The following DNM1 variants were observed in gnomAD, a reference collection of about 807,000 sequenced individuals.
DNM1 encodes the protein dynamin 1, also known as dynamin-1.
DNM1 carries 29 observed loss-of-function variants against 104.6 expected under a neutral mutation model. That is an observed-to-expected ratio of 0.28 (90% CI 0.21 to 0.38). The LOEUF is 0.38. Ranked by LOEUF, DNM1 falls within the 10% of genes least tolerant of loss-of-function variation. The pLI is 1.00. For missense variants in DNM1, 640 were observed against 1,189.4 expected, an observed-to-expected ratio of 0.54 and a Z score of 6.79; for synonymous variants, 445 against 475.8, an observed-to-expected ratio of 0.94 and a Z score of 0.84.
chr9:128,213,042 T>C (rs900791260), intron 1 of DNM1, among the ~76,000 whole-genome samples: 1 of 152,138 alleles, frequency 6.6e-6, no homozygotes, highest in Non-Finnish European at 1.5e-5. Flanking sequence ...GGGATGACGA[T>C]TGGTTTTTAT....
Position 128,222,390 on chromosome 9 carries a change from C to T in DNM1, c.992+51C>T, listed in dbSNP as rs761134851. 20 of 1,608,958 alleles carry T rather than the reference C, an allele frequency of 1.2e-5. No individual in the cohort carries two copies. In the Admixed American group the frequency reaches 1.3e-4, roughly 11 times the overall value. Reference sequence around the variant, plus strand: ...TGAATCCCCGCCCCCAGCCTCTCAGCGTGGGGCTCTCCCAGGGTTCCCTTT... The same window carrying T: ...TGAATCCCCGCCCCCAGCCTCTCAGTGTGGGGCTCTCCCAGGGTTCCCTTT... On this transcript the variant is annotated intron_variant, in intron 7 of 21. Coordinates refer to ENST00000372923, the MANE Select transcript of DNM1 (RefSeq NM_004408.4). This position sits in a 1 kb window ranked among gnomAD's most constrained non-coding sequence, Gnocchi z 7.8.
intron 16 of DNM1, among the ~76,000 whole-genome samples, chr9:128,246,746 T>TCCTCCCTCCTTTCCTC (rs1836847728): frequency 8.2e-6 from 1 of 122,278 alleles, no homozygotes; most frequent in South Asian, 3.2e-4. Context: ...CTTCCTTCCA[T>TCCTCCCTCCTTTCCTC]CCTCCCTCCT....
At position 128,222,200 on chromosome 9, in the gene DNM1, C is replaced by T. The variant is rs546034278; in HGVS notation, c.853C>T (p.Leu285=). 5 of 1,612,562 alleles carry T rather than the reference C, an allele frequency of 3.1e-6. No homozygotes were observed. In the South Asian group the frequency reaches 4.4e-5, roughly 14 times the overall value. Residue 285 remains leucine, a synonymous_variant, in exon 7 of 22, where the codon CTG becomes TTG. Transcript: ENST00000372923. The surrounding 1 kb of genome is among the most constrained non-coding windows in gnomAD (Gnocchi z 7.8). ...CTTTCCTCACCCTTACCCCCAGCAA[C>T]TGACGAACCACATCCGGGACACACT... ...PYLQKVLNQQ[L]TNHIRDTLPG...
intron 19 of DNM1, among the ~76,000 whole-genome samples, chr9:128,249,103 G>T (rs1829346203): frequency 6.6e-6 from 1 of 151,288 alleles, no homozygotes; most frequent in Admixed American, 6.6e-5. Flanking sequence ...TGAGGCAGGA[G>T]AATCACTTGA....
At chr9:128,211,430 C>G (rs1834288994) in intron 1 of DNM1, among the ~76,000 whole-genome samples, 2 of 150,904 alleles carry the variant, frequency 1.3e-5, no homozygotes, top group Non-Finnish European at 2.9e-5. Context: ...TCTCACTCTC[C>G]TGGGGTGCTA....
Position 128,243,282 on chromosome 9 carries a change from G to A in DNM1, c.1671+937G>A, listed in dbSNP as rs1836504991. Among the ~76,000 whole-genome samples the A allele has an allele frequency of 6.6e-6, 1 of 152,214 alleles. No homozygotes were observed. The highest frequency in any genetic ancestry group is 2.1e-4 in the South Asian group (1 of 4,828). On this transcript the variant is annotated intron_variant, in intron 15 of 21. Coordinates refer to ENST00000372923, the MANE Select transcript of DNM1 (RefSeq NM_004408.4). This position sits in a 1 kb window ranked among gnomAD's most constrained non-coding sequence, Gnocchi z 4.0. ...ATTCCAGAGGTGACCAGAGAGAATG[G>A]GGAGGGCTGGGGGTGGGCTTGTGGT... is the stretch of plus-strand genomic sequence containing the variant.
chr9:128,217,676 C>T (rs1834693047), intron 1 of DNM1, among the ~76,000 whole-genome samples: 1 of 152,148 alleles, frequency 6.6e-6, no homozygotes, highest in Admixed American at 6.5e-5. Flanking sequence ...CCTCAGCCTC[C>T]AAAGTGCTGG....
chr9:128,216,293 G>A (rs1834601657), intron 1 of DNM1, among the ~76,000 whole-genome samples: 1 of 152,200 alleles, frequency 6.6e-6, no homozygotes. Context: ...TCCAGGCTGA[G>A]GGTCCAACAG....
chr9:128,203,389 C>T lies in DNM1; in HGVS notation c.-82C>T. On this transcript the variant is annotated 5_prime_UTR_variant, in exon 1 of 22. Transcript: ENST00000372923. The surrounding 1 kb of genome is among the most constrained non-coding windows in gnomAD (Gnocchi z 5.3). ...CCCCGCGGCGCAGGCAGTCTGGGCG[C>T]GCGGCTGCAGCGGCGGAGCCGGAGT... 2.3e-6 allele frequency: 3 copies of T among 1,285,128 alleles called. No homozygotes were observed. Among genetic ancestry groups the T allele is most frequent in the Non-Finnish European group, 3.0e-6 (3 of 1,010,652 alleles). The allele number at this position is 1,285,128 out of a possible 1,614,324, so 79.6% of individuals were successfully genotyped here.
At chr9:128,211,722 C>T (rs1227164322) in intron 1 of DNM1, among the ~76,000 whole-genome samples, 1 of 152,068 alleles carries the variant, frequency 6.6e-6, no homozygotes, top group African/African-American at 2.4e-5. Context: ...GTCTTTCCTC[C>T]AAGTGTCACA....
rs1036048662 is a variant in DNM1 at position 128,203,397 on chromosome 9, C to CA, written c.-73dup. 7.6e-7 allele frequency: 1 copy of CA among 1,313,568 alleles called. No homozygotes were observed. Among genetic ancestry groups the CA allele is most frequent in the African/African-American group, 1.6e-5 (1 of 64,024 alleles). 81.4% of individuals were successfully genotyped at this position (1,313,568 alleles called of 1,614,324 possible). On this transcript the variant is annotated 5_prime_UTR_variant, in exon 1 of 22. Coordinates refer to ENST00000372923, the MANE Select transcript of DNM1 (RefSeq NM_004408.4). This position sits in a 1 kb window ranked among gnomAD's most constrained non-coding sequence, Gnocchi z 5.3. ...CGCAGGCAGTCTGGGCGCGCGGCTG[C>CA]AGCGGCGGAGCCGGAGTCGGAGCCG...
In DNM1 at chr9:128,248,108, C is replaced by T; in HGVS notation, c.1905+173C>T. On this transcript the variant is annotated intron_variant, in intron 18 of 21. Coordinates refer to ENST00000372923, the MANE Select transcript of DNM1 (RefSeq NM_004408.4). The surrounding 1 kb of genome is among the most constrained non-coding windows in gnomAD (Gnocchi z 5.6). ...CTTTGGGAGGCCGAGGTGGGCGGAT[C>T]ACAAGGTCAGGAGTTCGAGACCAGC... The T allele has an allele frequency of 1.2e-6, 1 of 846,388 alleles. No homozygotes were observed. Among genetic ancestry groups the T allele is most frequent in the Middle Eastern group, 3.0e-4 (1 of 3,318 alleles). 52.4% of individuals were successfully genotyped at this position (846,388 alleles called of 1,614,324 possible).
intron 15 of DNM1, among the ~76,000 whole-genome samples, chr9:128,244,126 G>A (rs945999655): frequency 2.8e-5 from 4 of 142,894 alleles, no homozygotes; most frequent in African/African-American, 8.8e-5. Context: ...GGGTGTAAAA[G>A]CAGGTGTGTG....
Position 128,233,732 on chromosome 9 carries a change from C to T in DNM1, c.1336-289C>T, listed in dbSNP as rs78215332. On this transcript the variant is annotated intron_variant, in intron 10 of 21. Coordinates refer to ENST00000372923, the MANE Select transcript of DNM1 (RefSeq NM_004408.4). ...GCAGGCTCATTCCCATGGCCTTTCT[C>T]CCACGGGAACCACCCCTCTGCCCTG... 505 of 499,890 alleles carry T rather than the reference C, an allele frequency of 1.0e-3. 8 individuals are homozygous for T. The East Asian group carries it at 0.018, about 17-fold the overall frequency. The allele number at this position is 499,890 out of a possible 1,614,324, so 31.0% of individuals were successfully genotyped here.
At chr9:128,252,093 C>A in intron 21 of DNM1, 1 of 204,140 alleles carries the variant, frequency 4.9e-6, no homozygotes, top group Non-Finnish European at 9.9e-6. Flanking sequence ...CTTTCCCTCC[C>A]AGAGCCTCAG....
chr9:128,248,201 C>T lies in DNM1; in HGVS notation c.1905+266C>T, dbSNP rs1836946387. On this transcript the variant is annotated intron_variant, in intron 18 of 21. Transcript: ENST00000372923. The surrounding 1 kb of genome is among the most constrained non-coding windows in gnomAD (Gnocchi z 5.6). ...AATTAGCCAGGCATGGTGGTGCGCG[C>T]CTGTAATCCCAGCTACTCAGGAGGC... 2 of 536,084 alleles carry T rather than the reference C, an allele frequency of 3.7e-6. No individual in the cohort carries two copies. The highest frequency in any genetic ancestry group is 6.7e-6 in the Non-Finnish European group (2 of 298,120). The allele number at this position is 536,084 out of a possible 1,614,324, so 33.2% of individuals were successfully genotyped here. A position where few individuals can be genotyped will look rare whatever the true frequency, so the allele number is the denominator to read the frequency against.
intron 4 of DNM1, 68 bp from the exon 5 acceptor site, chr9:128,219,920 T>G (rs913812581): frequency 7.9e-7 from 1 of 1,269,466 alleles, no homozygotes; most frequent in Non-Finnish European, 1.1e-6. Flanking sequence ...GGGATGGGAG[T>G]GGGAGTGCAT....
At chr9:128,236,598 C>A (rs549000622) in intron 11 of DNM1, among the ~76,000 whole-genome samples, 1 of 152,244 alleles carries the variant, frequency 6.6e-6, no homozygotes, top group East Asian at 1.9e-4. Flanking sequence ...TACCTGTAAC[C>A]CCAGCACTTT....
At position 128,254,198 on chromosome 9, in the gene DNM1, T is replaced by G. The variant is rs1197544930; in HGVS notation, c.2535-456T>G. 1.5e-6 allele frequency: 2 copies of G among 1,326,432 alleles called. No individual in the cohort carries two copies. The highest frequency in any genetic ancestry group is 1.9e-6 in the Non-Finnish European group (2 of 1,046,172). 82.2% of individuals were successfully genotyped at this position (1,326,432 alleles called of 1,614,324 possible). ...CCGGCGCTCCCTCCAGCCATCCCTTTTAGTTTCACCCTCCTGGTTCAAGCA... is the reference window on the plus strand; with the variant it reads ...CCGGCGCTCCCTCCAGCCATCCCTTGTAGTTTCACCCTCCTGGTTCAAGCA... On this transcript the variant is annotated intron_variant, in intron 21 of 21. Transcript: ENST00000372923. This position sits in a 1 kb window ranked among gnomAD's most constrained non-coding sequence, Gnocchi z 6.1.
Sources: gnomAD v4.1 joint callset for allele counts (sites outside exome capture counted in the v4.1 genomes callset) on GRCh38, gnomAD v4.1.1 for gene constraint, Gnocchi (gnomAD v3.1) non-coding constraint, MANE v1.5 for transcripts, NCBI Gene and HGNC (gene_info 2026-07-23, HGNC 2026-07-21) for gene names.